Variants in NXPH1 observed in about 807,000 individuals in gnomAD.
NXPH1 encodes the protein neurexophilin 1.
Under a neutral mutation model 23.7 loss-of-function variants are expected in NXPH1, and 5 were observed. The ratio of observed to expected loss-of-function variants is 0.21; its 90% CI spans 0.11 to 0.44. The LOEUF (loss-of-function observed/expected upper bound fraction) is 0.44, where lower values mean the gene tolerates loss of function less well. Ranked by LOEUF, NXPH1 falls within the 20% of genes least tolerant of loss-of-function variation. The probability of loss-of-function intolerance (pLI) is 0.99; values close to 1 mark genes in which losing one functional copy is unlikely to be tolerated. For synonymous variants in NXPH1, 144 were observed against 122.2 expected, an observed-to-expected ratio of 1.18 and a Z score of -1.18; for missense variants, 324 against 321.6, an observed-to-expected ratio of 1.01 and a Z score of -0.06.
At chr7:8,546,493 G>A (rs900596415) in intron 2 of NXPH1, among the ~76,000 whole-genome samples, 1 of 151,308 alleles carries the variant, frequency 6.6e-6, no homozygotes, top group Non-Finnish European at 1.5e-5. Flanking sequence ...GAGTCACTGA[G>A]TGTTCTTATT....
intron 2 of NXPH1, among the ~76,000 whole-genome samples, chr7:8,455,289 C>T (rs1241224110): frequency 1.3e-5 from 2 of 152,096 alleles, no homozygotes; most frequent in Non-Finnish European, 2.9e-5. Flanking sequence ...TAAAGAGCAA[C>T]TTGTGGCCAC....
chr7:8,540,134 T>C (rs934599911), intron 2 of NXPH1, among the ~76,000 whole-genome samples: 1 of 151,782 alleles, frequency 6.6e-6, no homozygotes, highest in East Asian at 1.9e-4. Context: ...GTGATTCTTA[T>C]TTGGGGAAGA....
At chr7:8,728,627 A>G (rs999980329) in intron 2 of NXPH1, among the ~76,000 whole-genome samples, 2 of 151,578 alleles carry the variant, frequency 1.3e-5, no homozygotes, top group South Asian at 4.2e-4. Flanking sequence ...CTCTGTTTAT[A>G]TGCTGGATTA....
At chr7:8,584,039 C>T (rs1463608473) in intron 2 of NXPH1, among the ~76,000 whole-genome samples, 1 of 152,160 alleles carries the variant, frequency 6.6e-6, no homozygotes, top group African/African-American at 2.4e-5. Flanking sequence ...AATTTTTCTT[C>T]AGATATTACT....
chr7:8,492,323 C>G (rs2128611335), intron 2 of NXPH1, among the ~76,000 whole-genome samples: 1 of 152,070 alleles, frequency 6.6e-6, no homozygotes, highest in Admixed American at 6.6e-5. Flanking sequence ...GTGATGAATA[C>G]TAAATTTGGA....
At chr7:8,681,273 C>T (rs11769942) in intron 2 of NXPH1, among the ~76,000 whole-genome samples, 59,595 of 151,978 alleles carry the variant, frequency 0.39, 12,096 homozygotes, top group African/African-American at 0.47. Context: ...GTTTATCTTC[C>T]GACCAAAGTG....
Position 8,434,903 on chromosome 7 carries a change from C to T in NXPH1, c.-111+148C>T, listed in dbSNP as rs767758625. The stretch of plus-strand genomic sequence containing the variant: ...TCACAGCTCGGAGGAGGCTTCTTCT[C>T]TAGAAGTTAGCGACCGGCTGTACCC... On this transcript the variant is annotated intron_variant, in intron 1 of 2. Coordinates refer to ENST00000405863, the MANE Select transcript of NXPH1 (RefSeq NM_152745.3). The surrounding 1 kb of genome is among the most constrained non-coding windows in gnomAD (Gnocchi z 7.6). The T allele has an allele frequency of 2.0e-5, 3 of 152,184 alleles. No individual in the cohort carries two copies. The highest frequency in any genetic ancestry group is 4.4e-5 in the Non-Finnish European group (3 of 68,064). The allele number at this position is 152,184 out of a possible 1,614,324, so 9.4% of individuals were successfully genotyped here.
At position 8,436,967 on chromosome 7, in the gene NXPH1, G is replaced by GTA. The variant is rs375724178; in HGVS notation, c.54+1208_54+1209dup. Among the ~76,000 whole-genome samples the GTA allele has an allele frequency of 6.6e-5, 10 of 152,334 alleles. 1 individual carries two copies. Among genetic ancestry groups the GTA allele is most frequent in the African/African-American group, 1.9e-4 (8 of 41,578 alleles). Reference sequence around the variant, plus strand: ...TGAATTCTGTGTATGTGAGTGACACGTATATATATGTGTGTGTGAATGTGT... The same window carrying GTA: ...TGAATTCTGTGTATGTGAGTGACACGTATATATATATGTGTGTGTGAATGTGT... On this transcript the variant is annotated intron_variant, in intron 2 of 2. Transcript: ENST00000405863.
intron 2 of NXPH1, among the ~76,000 whole-genome samples, chr7:8,473,460 G>A (rs533192148): frequency 6.6e-6 from 1 of 152,176 alleles, no homozygotes; most frequent in East Asian, 1.9e-4. Context: ...TATACCCCCT[G>A]CCATCTAAAA....
rs145014977 is a variant in NXPH1 at position 8,452,073 on chromosome 7, G to A, written c.54+16306G>A. Reference sequence around the variant, plus strand: ...GACTGATTAGCCACTCAGATGTCCCGCGGTTTGCATCAGCCTGGTGAAATT... The same window carrying A: ...GACTGATTAGCCACTCAGATGTCCCACGGTTTGCATCAGCCTGGTGAAATT... On this transcript the variant is annotated intron_variant, in intron 2 of 2. Coordinates refer to ENST00000405863, the MANE Select transcript of NXPH1 (RefSeq NM_152745.3). Among the ~76,000 whole-genome samples, 452 of 152,248 alleles carry A rather than the reference G, an allele frequency of 3.0e-3. 1 individual carries two copies. The highest frequency in any genetic ancestry group is 4.6e-3 in the Non-Finnish European group (316 of 67,996).
Position 8,629,788 on chromosome 7 carries a change from G to A in NXPH1, c.55-121220G>A, listed in dbSNP as rs181549490. On this transcript the variant is annotated intron_variant, in intron 2 of 2. Coordinates refer to ENST00000405863, the MANE Select transcript of NXPH1 (RefSeq NM_152745.3). ...AATGAGTCACTTTAAAGCCTTGTGT[G>A]GGACTTTTTAAAACACAGTTGTAGC... 2.6e-5 allele frequency among the ~76,000 whole-genome samples: 4 copies of A among 152,228 alleles called. No homozygotes were observed. The East Asian group carries it at 5.8e-4, about 22-fold the overall frequency.
chr7:8,702,568 T>A (rs994609952), intron 2 of NXPH1, among the ~76,000 whole-genome samples: 2 of 152,144 alleles, frequency 1.3e-5, no homozygotes, highest in Non-Finnish European at 2.9e-5. Flanking sequence ...TAAAACCATC[T>A]AAATAAAGAT....
intron 2 of NXPH1, among the ~76,000 whole-genome samples, chr7:8,583,471 A>G (rs1193243685): frequency 6.6e-6 from 1 of 152,366 alleles, no homozygotes; most frequent in Admixed American, 6.5e-5. Flanking sequence ...AAGTAAGGTC[A>G]GTGCCTAACA....
intron 2 of NXPH1, among the ~76,000 whole-genome samples, chr7:8,737,726 T>A (rs28814350): frequency 0.2 from 29,986 of 152,112 alleles, 3,167 homozygotes; most frequent in African/African-American, 0.26. Flanking sequence ...CTGAAGAGTG[T>A]TTTCCAACTT....
intron 2 of NXPH1, among the ~76,000 whole-genome samples, chr7:8,502,051 C>T (rs1290125787): frequency 6.6e-6 from 1 of 151,934 alleles, no homozygotes; most frequent in Non-Finnish European, 1.5e-5. Flanking sequence ...AAACATTTGG[C>T]TGAGAGCTGG....
At chr7:8,566,826 C>T (rs186758228) in intron 2 of NXPH1, among the ~76,000 whole-genome samples, 2 of 150,698 alleles carry the variant, frequency 1.3e-5, no homozygotes, top group East Asian at 1.9e-4. Context: ...GAGCCAATTC[C>T]CCTAATAACC....
chr7:8,659,983 G>T (rs1227220961), intron 2 of NXPH1, among the ~76,000 whole-genome samples: 1 of 152,130 alleles, frequency 6.6e-6, no homozygotes, highest in African/African-American at 2.4e-5. Context: ...GATGGTATTG[G>T]CGTCAAGTGT....
chr7:8,572,471 C>T (rs1005489719), intron 2 of NXPH1, among the ~76,000 whole-genome samples: 3 of 152,090 alleles, frequency 2.0e-5, no homozygotes, highest in South Asian at 2.1e-4. Context: ...ACCCTGCATA[C>T]GTTTTAGCAC....
chr7:8,459,081 TTTCC>T (rs753762487), intron 2 of NXPH1, among the ~76,000 whole-genome samples: 2 of 150,946 alleles, frequency 1.3e-5, no homozygotes, highest in African/African-American at 2.5e-5. Flanking sequence ...ATTCATGATT[TTTCC>T]TTGATTTTTT....
Sources: gnomAD v4.1 joint callset for allele counts (sites outside exome capture counted in the v4.1 genomes callset) on GRCh38, gnomAD v4.1.1 for gene constraint, Gnocchi (gnomAD v3.1) non-coding constraint, MANE v1.5 for transcripts, NCBI Gene and HGNC (gene_info 2026-07-23, HGNC 2026-07-21) for gene names.